ORMDL2: variants seen among roughly 807,000 people sequenced by gnomAD.
ORMDL2 encodes ORM1-like protein 2.
Under a neutral mutation model 13.5 loss-of-function variants are expected in ORMDL2, and 11 were observed. The ratio of observed to expected loss-of-function variants is 0.82; its 90% CI spans 0.51 to 1.35. ORMDL2 has a LOEUF of 1.35. Ranked by LOEUF, ORMDL2 falls within the 40% of genes most tolerant of loss-of-function variation. ORMDL2 has a pLI of 0.00. For missense variants in ORMDL2, 160 were observed against 191.1 expected (o/e 0.84, Z 0.96); for synonymous variants, 73 against 76.5 (o/e 0.95, Z 0.24).
rs551211514 is a variant in ORMDL2 at position 55,818,069 on chromosome 12, A to G, written c.-45A>G. 72 of 527,370 alleles carry G rather than the reference A, an allele frequency of 1.4e-4. 1 individual carries two copies. The highest frequency in any genetic ancestry group is 8.3e-4 in the African/African-American group (44 of 52,894). 32.7% of individuals were successfully genotyped at this position (527,370 alleles called of 1,614,324 possible). A position where few individuals can be genotyped will look rare whatever the true frequency, so the allele number is the denominator to read the frequency against. On this transcript the variant is annotated 5_prime_UTR_variant, in exon 1 of 4. Transcript: ENST00000243045. ...ACTTCCTGGAGACTTCAGGTGTGGT[A>G]GCCGGCGCCGCGCCCATAGCCGGAC...
rs754820614 is a variant in ORMDL2 at position 55,818,090 on chromosome 12, C to T, written c.-24C>T. Reference sequence around the variant, plus strand: ...TGGTAGCCGGCGCCGCGCCCATAGCCGGACGGGGATCTGAGCTGGCAGGTA... The same window carrying T: ...TGGTAGCCGGCGCCGCGCCCATAGCTGGACGGGGATCTGAGCTGGCAGGTA... On this transcript the variant is annotated 5_prime_UTR_variant, in exon 1 of 4. Transcript: ENST00000243045. 9.4e-5 allele frequency: 47 copies of T among 502,528 alleles called. 2 individuals carry two copies. The highest frequency in any genetic ancestry group is 6.8e-4 in the South Asian group (44 of 64,988). The allele number at this position is 502,528 out of a possible 1,614,324, so 31.1% of individuals were successfully genotyped here.
intron 1 of ORMDL2, 123 bp downstream of exon 1, chr12:55,818,235 T>G: frequency 1.9e-5 from 5 of 260,542 alleles, no homozygotes; most frequent in South Asian, 2.6e-5. Context: ...AAAAAACCGA[T>G]GAACATGAGG....
chr12:55,818,722 G>T, intron 1 of ORMDL2: 1 of 410,780 alleles, frequency 2.4e-6, no homozygotes. Context: ...GCTCCCTGAA[G>T]TGAGTGCCCC....
At chr12:55,819,539 C>T (rs2136213965) in intron 3 of ORMDL2, 46 bp downstream of exon 3, 2 of 1,575,414 alleles carry the variant, frequency 1.3e-6, no homozygotes, top group East Asian at 2.2e-5. Flanking sequence ...GAAAGAGCTC[C>T]AAGAGCCAGG....
rs780389088 is a variant in ORMDL2 at position 55,819,517 on chromosome 12, T to C, written c.326+24T>C. ...CTGTGAGTCTATGGGGGAAATGAGA[T>C]ATGCTGGGTTAGAAAGAGCTCCAAG... On this transcript the variant is annotated intron_variant, in intron 3 of 3. Transcript: ENST00000243045. The C allele has an allele frequency of 2.5e-6, 4 of 1,606,908 alleles. No individual in the cohort carries two copies. The Admixed American group carries it at 5.1e-5, about 20-fold the overall frequency.
At position 55,819,043 on chromosome 12, in the gene ORMDL2, G is replaced by A. The variant is rs143230663; in HGVS notation, c.44G>A (p.Arg15Gln). The change falls in exon 2 of 4, where the codon CGA (arginine) becomes CAA (glutamine). Residue 15 changes from arginine (R) to glutamine (Q), a missense_variant. Physicochemically the swap from Arg to Gln is conservative, Grantham distance 43 (BLOSUM62 1). Transcript: ENST00000243045. Reference sequence around the variant, plus strand: ...CACAGCGAAGTAAACCCCAACACCCGAGTGATGAATAGCCGAGGCATCTGG... The same window carrying A: ...CACAGCGAAGTAAACCCCAACACCCAAGTGATGAATAGCCGAGGCATCTGG... ...VAHSEVNPNT[R>Q]VMNSRGIWLA... 8.9e-5 allele frequency: 143 copies of A among 1,614,004 alleles called. No homozygotes were observed. The highest frequency in any genetic ancestry group is 8.7e-4 in the Admixed American group (52 of 59,998).
chr12:55,820,396 G>A lies in ORMDL2; in HGVS notation c.*1G>A, dbSNP rs368255078. 1.5e-5 allele frequency: 24 copies of A among 1,614,046 alleles called. No individual in the cohort carries two copies. Among genetic ancestry groups the A allele is most frequent in the Non-Finnish European group, 1.9e-5 (23 of 1,180,034 alleles). Reference sequence around the variant, plus strand: ...TGTCTTTGGCATCAACAAATACTGAGGGATGGGTTTTGGGACAGCTCCATG... The same window carrying A: ...TGTCTTTGGCATCAACAAATACTGAAGGATGGGTTTTGGGACAGCTCCATG... On this transcript the variant is annotated 3_prime_UTR_variant, in exon 4 of 4. Coordinates refer to ENST00000243045, the MANE Select transcript of ORMDL2 (RefSeq NM_014182.5).
chr12:55,821,267 G>A lies in ORMDL2; in HGVS notation c.*872G>A, dbSNP rs531059934. 136 of 152,084 alleles carry A rather than the reference G, an allele frequency of 8.9e-4. No homozygotes were observed. Among genetic ancestry groups the A allele is most frequent in the African/African-American group, 3.2e-3 (132 of 41,302 alleles). 9.4% of individuals were successfully genotyped at this position (152,084 alleles called of 1,614,324 possible). Reference sequence around the variant, plus strand: ...AGTTTCCAGTCTCTGAACTCTATGCGATAATCTCCTATCATTAGGGCTACA... The same window carrying A: ...AGTTTCCAGTCTCTGAACTCTATGCAATAATCTCCTATCATTAGGGCTACA... On this transcript the variant is annotated 3_prime_UTR_variant, in exon 4 of 4. Coordinates refer to ENST00000243045, the MANE Select transcript of ORMDL2 (RefSeq NM_014182.5).
Position 55,820,252 on chromosome 12 carries a change from C to T in ORMDL2, c.327-8C>T, listed in dbSNP as rs1314965131. ...AACCTCACTCACCCTATTTTTTTCT[C>T]TCCCCAGCTATCTCCTGGCCAGCTT... On this transcript the variant is annotated splice_region_variant and splice_polypyrimidine_tract_variant and intron_variant, in intron 3 of 3. Transcript: ENST00000243045. 5.0e-6 allele frequency: 8 copies of T among 1,598,554 alleles called. No individual in the cohort carries two copies. The highest frequency in any genetic ancestry group is 1.7e-5 in the Admixed American group (1 of 58,150).
chr12:55,819,626 T>G, intron 3 of ORMDL2, 133 bp downstream of exon 3: 2 of 748,604 alleles, frequency 2.7e-6, no homozygotes, highest in Non-Finnish European at 4.4e-6. Context: ...GGTATACTAG[T>G]TCTAAGCCTA....
Position 55,819,352 on chromosome 12 carries a change from TCTTC to T in ORMDL2, c.190_193del (p.Leu64IlefsTer3). On this transcript the variant is annotated frameshift_variant, in exon 3 of 4. Transcript: ENST00000243045. LOFTEE classifies it high-confidence loss of function. ...CTTCCCTGTTCCCAGGCTACGTATG[TCTTC>T]CTTCATACGGTGAAAGGGACACCCT... The T allele has an allele frequency of 6.2e-7, 1 of 1,613,924 alleles. No individual in the cohort carries two copies. The highest frequency in any genetic ancestry group is 1.3e-5 in the African/African-American group (1 of 75,024).
Position 55,818,888 on chromosome 12 carries a change from C to A in ORMDL2, c.-1-111C>A, listed in dbSNP as rs564934514. 17 of 892,684 alleles carry A rather than the reference C, an allele frequency of 1.9e-5. No individual in the cohort carries two copies. The Admixed American group carries it at 2.6e-4, about 14-fold the overall frequency. The allele number at this position is 892,684 out of a possible 1,614,324, so 55.3% of individuals were successfully genotyped here. ...CTGCGTGATGGGTAAGTTCTTCATT[C>A]CCAATAGAGTTCAGGGGATTGGGGC... On this transcript the variant is annotated intron_variant, in intron 1 of 3. Transcript: ENST00000243045.
chr12:55,818,279 G>A (rs1592589543), intron 1 of ORMDL2, 167 bp downstream of exon 1: 7 of 236,640 alleles, frequency 3.0e-5, no homozygotes, highest in South Asian at 7.3e-5. Context: ...CGGGCTTAAG[G>A]AACTGGCGGT....
chr12:55,819,489 G>A lies in ORMDL2; in HGVS notation c.322G>A (p.Val108Met). The change falls in exon 3 of 4, where the codon GTG becomes ATG. Residue 108 changes from valine to methionine, a missense_variant. By Grantham distance (21) the Val-to-Met change is conservative (BLOSUM62 1). Transcript: ENST00000243045. ...CAAGTTCCTCAGCATCTCTCCTATTGTGCTGTGAGTCTATGGGGGAAATGA... is the reference window on the plus strand; with the variant it reads ...CAAGTTCCTCAGCATCTCTCCTATTATGCTGTGAGTCTATGGGGGAAATGA... ...SRKFLSISPIVLYLLASFYTK... is the reference protein window; with the variant it reads ...SRKFLSISPIMLYLLASFYTK... The A allele has an allele frequency of 6.2e-7, 1 of 1,613,658 alleles. No homozygotes were observed. Among genetic ancestry groups the A allele is most frequent in the Non-Finnish European group, 8.5e-7 (1 of 1,179,822 alleles).
chr12:55,819,290 T>C, intron 2 of ORMDL2, 52 bp from the exon 3 acceptor site: 2 of 1,594,090 alleles, frequency 1.3e-6, no homozygotes, highest in Non-Finnish European at 1.7e-6. Context: ...CATAATTCTT[T>C]GACTGAAAAA....
Position 55,820,647 on chromosome 12 carries a change from G to C in ORMDL2, c.*252G>C. On this transcript the variant is annotated 3_prime_UTR_variant, in exon 4 of 4. Coordinates refer to ENST00000243045, the MANE Select transcript of ORMDL2 (RefSeq NM_014182.5). ...GCCAAATCACTCTCCTCCATAGCAG[G>C]AAGCCATTTGGGCAGCTTCTTTGGT... The C allele has an allele frequency of 2.0e-6, 1 of 491,040 alleles. No individual in the cohort carries two copies. The allele number at this position is 491,040 out of a possible 1,614,324, so 30.4% of individuals were successfully genotyped here.
chr12:55,819,762 A>G (rs1010366779), intron 3 of ORMDL2, among the ~76,000 whole-genome samples: 1 of 152,182 alleles, frequency 6.6e-6, no homozygotes, highest in African/African-American at 2.4e-5. Flanking sequence ...ATGATTTTAC[A>G]CTGCCAAAAG....
chr12:55,819,299 AACTACTT>A, intron 2 of ORMDL2, 36 bp from the exon 3 acceptor site: 1 of 1,596,172 alleles, frequency 6.3e-7, no homozygotes, highest in Non-Finnish European at 8.6e-7. Context: ...TTGACTGAAA[AACTACTT>A]TCTGCCCCTC....
chr12:55,818,316 C>T (rs1406179861), intron 1 of ORMDL2: 2 of 332,758 alleles, frequency 6.0e-6, no homozygotes, highest in Non-Finnish European at 1.2e-5. Context: ...AGAGCCGCTT[C>T]CTAACCAGAC....
Sources: allele counts gnomAD v4.1 joint callset (sites outside exome capture counted in the v4.1 genomes callset), GRCh38; gene constraint gnomAD v4.1.1; transcripts MANE v1.5; gene names NCBI Gene and HGNC (gene_info 2026-07-23, HGNC 2026-07-21).